The following DCHS2 variants were observed in gnomAD, a reference collection of about 807,000 sequenced individuals.
DCHS2 encodes the protein protocadherin-23.
In DCHS2, 142 loss-of-function variants were observed where a neutral mutation model predicts 182.4. The observed-to-expected ratio is 0.78, with a 90% confidence interval of 0.68 to 0.89. The LOEUF (loss-of-function observed/expected upper bound fraction) is 0.89, where lower values mean the gene tolerates loss of function less well. DCHS2 is among the 40% of genes least tolerant of loss of function. The probability of loss-of-function intolerance (pLI) is 0.00; values close to 1 mark genes in which losing one functional copy is unlikely to be tolerated. For synonymous variants in DCHS2, 1,740 were observed against 1,663.3 expected (o/e 1.05, Z -1.12); for missense variants, 4,319 against 4,198.6 (o/e 1.03, Z -0.79).
chr4:154,285,448 C>A (rs1358770753), intron 13 of DCHS2, among the ~76,000 whole-genome samples: 1 of 152,128 alleles, frequency 6.6e-6, no homozygotes, highest in Non-Finnish European at 1.5e-5. Flanking sequence ...TGATTCCGGG[C>A]CTTGGCTCTT....
intron 1 of DCHS2, among the ~76,000 whole-genome samples, chr4:154,472,805 C>T (rs1735526571): frequency 6.6e-6 from 1 of 152,020 alleles, no homozygotes; most frequent in African/African-American, 2.4e-5. Context: ...CATTCACATA[C>T]ACACACATTC....
chr4:154,440,461 G>A (rs1733958896), intron 1 of DCHS2, among the ~76,000 whole-genome samples: 1 of 117,240 alleles, frequency 8.5e-6, no homozygotes, highest in Non-Finnish European at 2.0e-5. Flanking sequence ...TCCCTCAAAA[G>A]AGCCTTTTTT....
intron 10 of DCHS2, among the ~76,000 whole-genome samples, chr4:154,308,762 C>A (rs1735555611): frequency 6.6e-6 from 1 of 152,110 alleles, no homozygotes; most frequent in Non-Finnish European, 1.5e-5. Flanking sequence ...AGATACCATA[C>A]CATGTGCTAA....
At chr4:154,410,574 C>CAAAAAAAAAAA (rs1160670540) in intron 1 of DCHS2, among the ~76,000 whole-genome samples, 4 of 35,364 alleles carry the variant, frequency 1.1e-4, no homozygotes, top group African/African-American at 4.1e-4. Context: ...GACTCCATCT[C>CAAAAAAAAAAA]AAAAAAAAAA....
chr4:154,379,423 T>G (rs1365344672), intron 1 of DCHS2, among the ~76,000 whole-genome samples: 4 of 152,218 alleles, frequency 2.6e-5, no homozygotes, highest in Non-Finnish European at 5.9e-5. Context: ...AAATAGTCTT[T>G]GTCATACATA....
In DCHS2 at chr4:154,490,102, G is replaced by A; in HGVS notation, c.1254C>T (p.Leu418=). The A allele has an allele frequency of 6.5e-7, 1 of 1,549,344 alleles. No homozygotes were observed. The change falls in exon 1 of 20, where the codon CTC becomes CTT. Residue 418 remains leucine (L), a synonymous_variant. Transcript: ENST00000357232. ...DNRPAIHVLF[L]TEGGVARVSE... ...AGACACGGGCGACGCCTCCCTCTGT[G>A]AGAAAGAGCACGTGAATTGCTGGCC...
In DCHS2 at chr4:154,304,737, A is replaced by G. The variant is rs1422156838; in HGVS notation, c.5537T>C (p.Val1846Ala). 2.5e-6 allele frequency: 4 copies of G among 1,613,890 alleles called. No homozygotes were observed. The highest frequency in any genetic ancestry group is 3.4e-6 in the Non-Finnish European group (4 of 1,179,968). Residue 1846 changes from valine (V) to alanine (A), a missense_variant, in exon 12 of 20, where the codon GTT (valine) becomes GCT (alanine). By Grantham distance (64) the Val-to-Ala change is moderately conservative. Transcript: ENST00000357232. The stretch of plus-strand genomic sequence containing the variant: ...ATCAGAGGCTAAAACCGTATAGACA[A>G]CCTCTGGTTCCTGGTTTTCCAGAAC... ...IEVLENQEPEVVYTVLASDMD... is the reference protein window; with the variant it reads ...IEVLENQEPEAVYTVLASDMD...
intron 2 of DCHS2, among the ~76,000 whole-genome samples, chr4:154,373,304 A>G (rs966374452): frequency 3.3e-5 from 5 of 152,222 alleles, no homozygotes; most frequent in Non-Finnish European, 5.9e-5. Flanking sequence ...ATTGCAAAGA[A>G]TAATTATGAT....
At position 154,335,258 on chromosome 4, in the gene DCHS2, T is replaced by C. The variant is rs1468730302; in HGVS notation, c.2477-154A>G. 12 of 630,032 alleles carry C rather than the reference T, an allele frequency of 1.9e-5. 1 individual carries two copies. In the Admixed American group the frequency reaches 3.1e-4, roughly 16 times the overall value. The allele number at this position is 630,032 out of a possible 1,614,324, so 39.0% of individuals were successfully genotyped here. Reference sequence around the variant, plus strand: ...CCAGGCATTTGATCAAACATTATTTTGAGTGTGTCTGTGAGGGTGCTTTTG... The same window carrying C: ...CCAGGCATTTGATCAAACATTATTTCGAGTGTGTCTGTGAGGGTGCTTTTG... On this transcript the variant is annotated intron_variant, in intron 3 of 19. Transcript: ENST00000357232.
chr4:154,330,521 C>T (rs187773771), intron 5 of DCHS2, among the ~76,000 whole-genome samples: 4 of 152,066 alleles, frequency 2.6e-5, no homozygotes, highest in African/African-American at 7.2e-5. Context: ...GACAAGCACT[C>T]GGTCCAATAG....
At chr4:154,417,049 A>G (rs1732863441) in intron 1 of DCHS2, among the ~76,000 whole-genome samples, 1 of 152,116 alleles carries the variant, frequency 6.6e-6, no homozygotes, top group Admixed American at 6.5e-5. Context: ...AGCTGCAACT[A>G]CAACCACAGG....
Position 154,343,617 on chromosome 4 carries a change from T to C in DCHS2, c.2477-8513A>G, listed in dbSNP as rs1561056699. 4.6e-6 allele frequency: 7 copies of C among 1,510,830 alleles called. No individual in the cohort carries two copies. In the Admixed American group the frequency reaches 8.3e-5, roughly 18 times the overall value. The allele number at this position is 1,510,830 out of a possible 1,614,324, so 93.6% of individuals were successfully genotyped here. A position where few individuals can be genotyped will look rare whatever the true frequency, so the allele number is the denominator to read the frequency against. ...ACCTCTGCTAGCTTCAAATTTTTTT[T>C]CTGCAGCTTCCTCATCTCTTTCAAC... On this transcript the variant is annotated intron_variant, in intron 3 of 19. Coordinates refer to ENST00000357232, the MANE Select transcript of DCHS2 (RefSeq NM_001358235.2).
At chr4:154,401,054 G>A (rs1210815583) in intron 1 of DCHS2, among the ~76,000 whole-genome samples, 6 of 152,246 alleles carry the variant, frequency 3.9e-5, no homozygotes, top group Non-Finnish European at 8.8e-5. Context: ...AGGCTTCCTT[G>A]TTCCTCCTCC....
intron 16 of DCHS2, among the ~76,000 whole-genome samples, chr4:154,252,697 A>G (rs1478069487): frequency 6.6e-6 from 1 of 151,462 alleles, no homozygotes; most frequent in Non-Finnish European, 1.5e-5. Context: ...TCCATTGTGT[A>G]TATGTATCCC....
chr4:154,261,926 GA>G (rs1733003988), intron 14 of DCHS2: 1 of 152,076 alleles, frequency 6.6e-6, no homozygotes, highest in South Asian at 2.1e-4. Context: ...GTGGTCTTCA[GA>G]AACCTCCCTG....
At chr4:154,331,505 A>G in intron 5 of DCHS2, 1 of 1,480,784 alleles carries the variant, frequency 6.8e-7, no homozygotes, top group Non-Finnish European at 9.1e-7. Context: ...GGAGTGAATG[A>G]GAGTGGAAAG....
chr4:154,362,547 T>G (rs1730171394), intron 3 of DCHS2, among the ~76,000 whole-genome samples: 1 of 152,212 alleles, frequency 6.6e-6, no homozygotes, highest in Non-Finnish European at 1.5e-5. Flanking sequence ...CAGCTTTATG[T>G]AGATTCCTGA....
rs760683713 is a variant in DCHS2 at position 154,377,331 on chromosome 4, C to G, written c.2166G>C (p.Gly722=). The G allele has an allele frequency of 1.2e-6, 2 of 1,613,582 alleles. No homozygotes were observed. Among genetic ancestry groups the G allele is most frequent in the East Asian group, 4.5e-5 (2 of 44,872 alleles). Residue 722 remains glycine (G), a synonymous_variant, in exon 2 of 20, where the codon GGG becomes GGC. Coordinates refer to ENST00000357232, the MANE Select transcript of DCHS2 (RefSeq NM_001358235.2). ...CGATATCTTGAGAAACACAGATTTG[C>G]CCATCATGAGGGTCGATCCGGAATG... is the stretch of plus-strand genomic sequence containing the variant. ...PQAFRIDPHD[G]QICVSQDIDR...
At chr4:154,245,681 G>T (rs1732039339) in intron 16 of DCHS2, among the ~76,000 whole-genome samples, 1 of 152,012 alleles carries the variant, frequency 6.6e-6, no homozygotes, top group Non-Finnish European at 1.5e-5. Flanking sequence ...CTTCTAAAAT[G>T]ATATCAAAAA....
Sources: allele counts gnomAD v4.1 joint callset (sites outside exome capture counted in the v4.1 genomes callset), GRCh38; gene constraint gnomAD v4.1.1; transcripts MANE v1.5; gene names NCBI Gene and HGNC (gene_info 2026-07-23, HGNC 2026-07-21).